AIFM3: variants seen among roughly 807,000 people sequenced by gnomAD.
AIFM3 encodes apoptosis-inducing factor 3.
Under a neutral mutation model 82.7 loss-of-function variants are expected in AIFM3, and 71 were observed. The observed-to-expected ratio is 0.86, with a 90% confidence interval of 0.71 to 1.05. AIFM3 has a LOEUF of 1.05. Among genes scored for constraint, AIFM3 ranks in the 50% least tolerant of loss-of-function variants. The probability of loss-of-function intolerance (pLI) is 0.00; values close to 1 mark genes in which losing one functional copy is unlikely to be tolerated. For missense variants in AIFM3, 748 were observed against 816.7 expected (o/e 0.92, Z 1.03); for synonymous variants, 337 against 329.1 (o/e 1.02, Z -0.26).
Position 20,974,142 on chromosome 22 carries a change from C to T in AIFM3, c.435C>T (p.Phe145=). 2 of 1,613,496 alleles carry T rather than the reference C, an allele frequency of 1.2e-6. No individual in the cohort carries two copies. Among genetic ancestry groups the T allele is most frequent in the Non-Finnish European group, 1.7e-6 (2 of 1,179,932 alleles). Residue 145 remains phenylalanine, a synonymous_variant, in exon 5 of 21, where the codon TTC becomes TTT. Transcript: ENST00000440238. ...FNISTGDLED[F]PGLDSLHKFQ... The stretch of plus-strand genomic sequence containing the variant: ...TCAGCACTGGGGACCTGGAGGACTT[C>T]CCTGGCCTGGACAGTCTACACAAGT...
At chr22:20,974,893 C>A in intron 8 of AIFM3, 77 bp downstream of exon 8, 2 of 1,465,322 alleles carry the variant, frequency 1.4e-6, no homozygotes, top group Non-Finnish European at 1.9e-6. Context: ...GCTTGTCACC[C>A]CATTGGGGTC....
chr22:20,973,901 T>C, intron 4 of AIFM3, 34 bp downstream of exon 4: 1 of 1,493,140 alleles, frequency 6.7e-7, no homozygotes. Flanking sequence ...GAGGGGGACC[T>C]TCCAGGCCCC....
At chr22:20,976,796 G>A (rs753021490) in intron 12 of AIFM3, 30 bp downstream of exon 12, 1 of 1,603,326 alleles carries the variant, frequency 6.2e-7, no homozygotes, top group Non-Finnish European at 8.5e-7. Context: ...CAGTGCCTTG[G>A]AGCCCTGGGG....
In AIFM3 at chr22:20,979,314, G is replaced by A; in HGVS notation, c.1521G>A (p.Met507Ile). The change falls in exon 17 of 21, where the codon ATG (methionine) becomes ATA (isoleucine). Residue 507 changes from methionine (M) to isoleucine (I), a missense_variant. Transcript: ENST00000440238. ...ACATGTTGGCGCAGGAGGCGGAGAT[G>A]AGCACTGTGCCCTACCTCTGGACCG... ...AQNMLAQEAE[M>I]STVPYLWTAM... 3 of 1,561,176 alleles carry A rather than the reference G, an allele frequency of 1.9e-6. No homozygotes were observed. Among genetic ancestry groups the A allele is most frequent in the South Asian group, 1.2e-5 (1 of 84,800 alleles).
At chr22:20,978,908 C>T (rs1923867992) in intron 16 of AIFM3, among the ~76,000 whole-genome samples, 1 of 151,984 alleles carries the variant, frequency 6.6e-6, no homozygotes, top group African/African-American at 2.4e-5. Flanking sequence ...TCTGTGCTTC[C>T]CTGTGTACTT....
In AIFM3 at chr22:20,970,072, G is replaced by A. The variant is rs117334029; in HGVS notation, c.31+2097G>A. ...TCACCTAGCTCAGAGCTAGGAGGAA[G>A]TGCAGCTCTCTTAGCATCTGTTCAC... is the stretch of plus-strand genomic sequence containing the variant. On this transcript the variant is annotated intron_variant, in intron 2 of 20. Transcript: ENST00000440238. Among the ~76,000 whole-genome samples, 585 of 152,272 alleles carry A rather than the reference G, an allele frequency of 3.8e-3. 13 individuals carry two copies. The East Asian group carries it at 0.056, about 14-fold the overall frequency.
chr22:20,980,289 T>C lies in AIFM3; in HGVS notation c.1757+165T>C, dbSNP rs1050509158. On this transcript the variant is annotated intron_variant, in intron 19 of 20. Coordinates refer to ENST00000440238, the MANE Select transcript of AIFM3 (RefSeq NM_001386814.1). ...ACAGGGAGGTGTGGGGCAAGGATCA[T>C]GGTTTGAGAGCAGGCTGGTTATGTG... 6.2e-5 allele frequency: 40 copies of C among 643,574 alleles called. No individual in the cohort carries two copies. The East Asian group carries it at 1.1e-3, about 17-fold the overall frequency. 39.9% of individuals were successfully genotyped at this position (643,574 alleles called of 1,614,324 possible). A position where few individuals can be genotyped will look rare whatever the true frequency, so the allele number is the denominator to read the frequency against.
chr22:20,979,246 G>T (rs915247533), intron 16 of AIFM3, 25 bp from the exon 17 acceptor site: 62 of 1,551,496 alleles, frequency 4.0e-5, no homozygotes, highest in Non-Finnish European at 5.2e-5. Flanking sequence ...GAGAGTTAGG[G>T]TTCTCACGGC....
chr22:20,977,435 G>C (rs1479921657), intron 14 of AIFM3: 1 of 603,292 alleles, frequency 1.7e-6, no homozygotes, highest in African/African-American at 1.9e-5. Context: ...AGCACCTGCA[G>C]GGGCTGAGGA....
chr22:20,965,814 C>T (rs1922848904), upstream of AIFM3, among the ~76,000 whole-genome samples: 1 of 152,112 alleles, frequency 6.6e-6, no homozygotes, highest in Admixed American at 6.5e-5. Flanking sequence ...GAGCAGGGGC[C>T]GCTCTGTGAG....
intron 2 of AIFM3, 146 bp downstream of exon 2, chr22:20,968,121 C>A (rs2097674): frequency 0.31 from 258,956 of 824,876 alleles, 44,487 homozygotes; most frequent in African/African-American, 0.59. Context: ...AATACGCTGC[C>A]GCCAGGAGGG....
In AIFM3 at chr22:20,967,881, C is replaced by T; in HGVS notation, c.-64C>T. 1 of 1,598,816 alleles carries T rather than the reference C, an allele frequency of 6.3e-7. No individual in the cohort carries two copies. Among genetic ancestry groups the T allele is most frequent in the Non-Finnish European group, 8.6e-7 (1 of 1,166,738 alleles). On this transcript the variant is annotated 5_prime_UTR_variant, in exon 2 of 21. Transcript: ENST00000440238. Reference sequence around the variant, plus strand: ...AGGGGGTCCAGCCCCATGGGGGGCGCCCTAGGCCTCCGACAGCTCCCCATC... The same window carrying T: ...AGGGGGTCCAGCCCCATGGGGGGCGTCCTAGGCCTCCGACAGCTCCCCATC...
At position 20,975,691 on chromosome 22, in the gene AIFM3, G is replaced by A. The variant is rs1319887091; in HGVS notation, c.721-1G>A. On this transcript the variant is annotated splice_acceptor_variant, in intron 8 of 20. Transcript: ENST00000440238. LOFTEE classifies it high-confidence loss of function. ...CCTCTCAAGCTGGCTCTCCCCTGCA[G>A]TCCCTGGACACACAGCCTGAGCAGC... 1 of 1,613,670 alleles carries A rather than the reference G, an allele frequency of 6.2e-7. No individual in the cohort carries two copies. The highest frequency in any genetic ancestry group is 8.5e-7 in the Non-Finnish European group (1 of 1,179,992).
At chr22:20,971,966 TG>T (rs11090488) in intron 2 of AIFM3, among the ~76,000 whole-genome samples, 28,584 of 138,876 alleles carry the variant, frequency 0.21, 2,945 homozygotes, top group East Asian at 0.45. Flanking sequence ...ATGGAGGCTG[TG>T]GGGGGGGGGG....
intron 1 of AIFM3, 35 bp from the exon 2 acceptor site, chr22:20,967,770 C>A: frequency 4.7e-6 from 3 of 643,722 alleles, no homozygotes; most frequent in Non-Finnish European, 8.3e-6. Context: ...CCTGCCCACA[C>A]GCCCCGGTCC....
Position 20,974,185 on chromosome 22 carries a change from G to A in AIFM3, c.465+13G>A. 2 of 1,613,330 alleles carry A rather than the reference G, an allele frequency of 1.2e-6. No individual in the cohort carries two copies. The highest frequency in any genetic ancestry group is 1.7e-4 in the Middle Eastern group (1 of 5,996). On this transcript the variant is annotated intron_variant, in intron 5 of 20. Transcript: ENST00000440238. ...ACACAAGTTCCAGGTGGGGCCAGGA[G>A]TGCGATGGGGTGGGAACCTGGGGGT...
intron 2 of AIFM3, among the ~76,000 whole-genome samples, chr22:20,970,712 C>T (rs1431290119): frequency 3.9e-5 from 6 of 152,168 alleles, no homozygotes; most frequent in Non-Finnish European, 7.3e-5. Flanking sequence ...CTGCCTGCCT[C>T]GGCCTCTCAA....
chr22:20,973,941 G>T (rs1383636359), intron 4 of AIFM3, 74 bp downstream of exon 4: 1 of 1,472,780 alleles, frequency 6.8e-7, no homozygotes, highest in Admixed American at 2.2e-5. Context: ...CCAGACCCCA[G>T]GATCTTCATC....
At position 20,967,942 on chromosome 22, in the gene AIFM3, G is replaced by T. The variant is rs371215112; in HGVS notation, c.-3G>T. On this transcript the variant is annotated 5_prime_UTR_variant, in exon 2 of 21. Transcript: ENST00000440238. Reference sequence around the variant, plus strand: ...CCTGCCGGCCATCCTCAGGCCACTCGCCATGGGCGGCTGCTTCTCCAAACC... The same window carrying T: ...CCTGCCGGCCATCCTCAGGCCACTCTCCATGGGCGGCTGCTTCTCCAAACC... 4 of 1,613,980 alleles carry T rather than the reference G, an allele frequency of 2.5e-6. No individual in the cohort carries two copies. Among genetic ancestry groups the T allele is most frequent in the Non-Finnish European group, 3.4e-6 (4 of 1,179,994 alleles).
Sources: allele counts gnomAD v4.1 joint callset (sites outside exome capture counted in the v4.1 genomes callset), GRCh38; gene constraint gnomAD v4.1.1; transcripts MANE v1.5; gene names NCBI Gene and HGNC (gene_info 2026-07-23, HGNC 2026-07-21).